SRRM4: variants seen among roughly 807,000 people sequenced by gnomAD.
SRRM4 encodes the protein serine/arginine repetitive matrix 4.
Under a neutral mutation model 68.9 loss-of-function variants are expected in SRRM4, and 33 were observed. The ratio of observed to expected loss-of-function variants is 0.48; its 90% confidence interval spans 0.36 to 0.64. The LOEUF (loss-of-function observed/expected upper bound fraction) is 0.64, where lower values mean the gene tolerates loss of function less well. Among genes scored for constraint, SRRM4 ranks in the 30% least tolerant of loss-of-function variants. SRRM4 has a pLI of 0.00. For synonymous variants in SRRM4, 318 were observed against 318.8 expected, an observed-to-expected ratio of 1.00 and a Z score of 0.03; for missense variants, 817 against 827.1, an observed-to-expected ratio of 0.99 and a Z score of 0.15.
At chr12:119,083,574 G>C (rs1196603038) in intron 1 of SRRM4, among the ~76,000 whole-genome samples, 1 of 152,076 alleles carries the variant, frequency 6.6e-6, no homozygotes, top group Non-Finnish European at 1.5e-5. Flanking sequence ...TTTCTTCCCT[G>C]TTTCCCTTCC....
chr12:119,158,375 T>C lies in SRRM4; in HGVS notation c.*1577T>C, dbSNP rs947819390. 2 of 152,610 alleles carry C rather than the reference T, an allele frequency of 1.3e-5. No individual in the cohort carries two copies. Among genetic ancestry groups the C allele is most frequent in the Non-Finnish European group, 2.9e-5 (2 of 68,068 alleles). The allele number at this position is 152,610 out of a possible 1,614,324, so 9.5% of individuals were successfully genotyped here. A position where few individuals can be genotyped will look rare whatever the true frequency, so the allele number is the denominator to read the frequency against. On this transcript the variant is annotated 3_prime_UTR_variant, in exon 13 of 13. Transcript: ENST00000267260. ...ATCCCTCCCACCCCAGGGAAAACAT[T>C]TGGAAAATAGTCCTTTTTCTTGGAA...
At chr12:119,089,999 G>T (rs1365075197) in intron 1 of SRRM4, among the ~76,000 whole-genome samples, 1 of 152,236 alleles carries the variant, frequency 6.6e-6, no homozygotes, top group South Asian at 2.1e-4. Flanking sequence ...CACACAGCCA[G>T]GAAGCAGCAA....
chr12:119,009,138 C>T (rs1333863505), intron 1 of SRRM4, among the ~76,000 whole-genome samples: 1 of 152,126 alleles, frequency 6.6e-6, no homozygotes, highest in Non-Finnish European at 1.5e-5. Context: ...TTTGTGCGGC[C>T]CTCCCAGGCC....
rs868770087 is a variant in SRRM4, at chr12:119,072,959, G to A, written c.132-29277G>A. Among the ~76,000 whole-genome samples, 7 of 152,300 alleles carry A rather than the reference G, an allele frequency of 4.6e-5. No homozygotes were observed. In the South Asian group the frequency reaches 1.5e-3, roughly 32 times the overall value. ...GAATTTAGATCAGGTGAATTCAAAA[G>A]TGCTCACAATCATCATTGCCTCCAA... is the stretch of plus-strand genomic sequence containing the variant. On this transcript the variant is annotated intron_variant, in intron 1 of 12. Coordinates refer to ENST00000267260, the MANE Select transcript of SRRM4 (RefSeq NM_194286.4).
chr12:119,046,948 T>C (rs4429121), intron 1 of SRRM4, among the ~76,000 whole-genome samples: 132,673 of 150,898 alleles, frequency 0.88, 58,656 homozygotes, highest in Middle Eastern at 0.95. Context: ...AGGAGAATGG[T>C]GTGAACCCGG....
intron 8 of SRRM4, among the ~76,000 whole-genome samples, 194 bp downstream of exon 8, chr12:119,131,028 G>T (rs1210909457): frequency 1.3e-5 from 2 of 152,184 alleles, no homozygotes; most frequent in African/African-American, 2.4e-5. Flanking sequence ...GGGGATTTTG[G>T]GGGGCAGGGG....
At chr12:119,107,035 G>A (rs1024664249) in intron 2 of SRRM4, among the ~76,000 whole-genome samples, 2 of 152,120 alleles carry the variant, frequency 1.3e-5, no homozygotes, top group African/African-American at 2.4e-5. Flanking sequence ...GTTGAATTTT[G>A]TCAAAGGCCT....
In SRRM4 at chr12:119,154,313, C is replaced by G. The variant is rs905119944; in HGVS notation, c.1462C>G (p.Arg488Gly). ...GCGCGAGCGAGCGCGTCGGAGACGT[C>G]GGTCCTACTCGCCTATGAGAAAGCG... Reference protein sequence around the residue: ...RERERARRRRRSYSPMRKRRR... With the variant: ...RERERARRRRGSYSPMRKRRR... Residue 488 changes from arginine to glycine, a missense_variant, in exon 12 of 13, where the codon CGG (arginine) becomes GGG (glycine). Transcript: ENST00000267260. This position sits in a 1 kb window ranked among gnomAD's most constrained non-coding sequence, Gnocchi z 4.7. The G allele has an allele frequency of 5.0e-6, 8 of 1,612,400 alleles. No homozygotes were observed. The highest frequency in any genetic ancestry group is 2.2e-5 in the South Asian group (2 of 90,754).
At chr12:118,990,028 T>G (rs915171873) in intron 1 of SRRM4, 4 of 152,272 alleles carry the variant, frequency 2.6e-5, no homozygotes, top group Non-Finnish European at 5.9e-5. Flanking sequence ...CTTGTGTTAC[T>G]ATGTGCCTTG....
At chr12:119,023,312 T>C (rs540025010) in intron 1 of SRRM4, among the ~76,000 whole-genome samples, 1 of 152,308 alleles carries the variant, frequency 6.6e-6, no homozygotes, top group South Asian at 2.1e-4. Context: ...CTGGGTGATT[T>C]TGCATAGAGG....
chr12:119,153,607 G>T lies in SRRM4; in HGVS notation c.1349G>T (p.Arg450Met). ...GKRSPPSRSS[R>M]SRRSPSYSRY... ...AGGAGCCCGCCCAGCAGAAGCTCTA[G>T]GTCCCGCCGCAGCCCTAGCTACTCC... is the stretch of plus-strand genomic sequence containing the variant. The change falls in exon 11 of 13, where the codon AGG becomes ATG. Residue 450 changes from arginine to methionine, a missense_variant. Arg to Met is a moderately conservative substitution (Grantham distance 91, BLOSUM62 -1). Transcript: ENST00000267260. 1 of 1,569,402 alleles carries T rather than the reference G, an allele frequency of 6.4e-7. No individual in the cohort carries two copies. The highest frequency in any genetic ancestry group is 8.6e-7 in the Non-Finnish European group (1 of 1,158,352).
At position 118,984,079 on chromosome 12, in the gene SRRM4, C is replaced by T. The variant is rs752422165; in HGVS notation, c.131+2066C>T. 2.6e-5 allele frequency among the ~76,000 whole-genome samples: 4 copies of T among 152,092 alleles called. No individual in the cohort carries two copies. The South Asian group carries it at 6.2e-4, about 24-fold the overall frequency. On this transcript the variant is annotated intron_variant, in intron 1 of 12. Coordinates refer to ENST00000267260, the MANE Select transcript of SRRM4 (RefSeq NM_194286.4). ...CGTGGCCTCTCTGTAGAACAGATTC[C>T]GGTTTTATAACTGTTACTCCTGGTT...
intron 2 of SRRM4, among the ~76,000 whole-genome samples, chr12:119,113,805 T>A (rs1488206488): frequency 6.6e-6 from 1 of 152,176 alleles, no homozygotes; most frequent in Non-Finnish European, 1.5e-5. Context: ...CAATATAAGA[T>A]ACGTATCTCG....
At chr12:119,139,354 C>T (rs1220285724) in intron 8 of SRRM4, among the ~76,000 whole-genome samples, 1 of 152,172 alleles carries the variant, frequency 6.6e-6, no homozygotes, top group African/African-American at 2.4e-5. Flanking sequence ...CTTGGGCTTC[C>T]CTCAATTGTA....
At chr12:119,076,066 A>G (rs962303129) in intron 1 of SRRM4, among the ~76,000 whole-genome samples, 106 of 151,884 alleles carry the variant, frequency 7.0e-4, no homozygotes, top group African/African-American at 2.5e-3. Context: ...TGATGGTAGT[A>G]ATGGTAATGA....
intron 1 of SRRM4, among the ~76,000 whole-genome samples, chr12:119,063,081 T>C (rs886863577): frequency 3.9e-5 from 6 of 152,242 alleles, no homozygotes; most frequent in Non-Finnish European, 5.9e-5. Flanking sequence ...ATGGTTTACG[T>C]TATCACATTT....
chr12:119,065,082 A>G (rs552609734), intron 1 of SRRM4, among the ~76,000 whole-genome samples: 14 of 152,152 alleles, frequency 9.2e-5, no homozygotes, highest in Non-Finnish European at 2.1e-4. Context: ...GGGTACTATT[A>G]ACATTCTCAT....
chr12:119,024,105 CT>C (rs1262147964), intron 1 of SRRM4, among the ~76,000 whole-genome samples: 1 of 152,150 alleles, frequency 6.6e-6, no homozygotes, highest in Non-Finnish European at 1.5e-5. Flanking sequence ...TTCAAGAGGA[CT>C]GTTTGACTTT....
intron 1 of SRRM4, among the ~76,000 whole-genome samples, chr12:119,011,743 A>G (rs1168016337): frequency 2.6e-5 from 4 of 152,156 alleles, no homozygotes; most frequent in Admixed American, 6.5e-5. Context: ...TGACAGTGCT[A>G]AGCTCCCTGA....
Sources: allele counts gnomAD v4.1 joint callset (sites outside exome capture counted in the v4.1 genomes callset), GRCh38; gene constraint gnomAD v4.1.1; non-coding constraint Gnocchi (gnomAD v3.1); transcripts MANE v1.5; gene names NCBI Gene and HGNC (gene_info 2026-07-23, HGNC 2026-07-21).